Variants in CTSB observed in about 807,000 individuals in gnomAD.
CTSB encodes the protein APP secretase.
A neutral mutation model predicts 44.3 loss-of-function variants in CTSB; 57 were observed. The ratio of observed to expected loss-of-function variants is 1.29; its 90% confidence interval spans 1.04 to 1.60. The LOEUF (loss-of-function observed/expected upper bound fraction) is 1.60, where lower values mean the gene tolerates loss of function less well. CTSB is among the 40% of genes most tolerant of loss of function. The pLI is 0.00. For synonymous variants in CTSB, 320 were observed against 168.0 expected (o/e 1.91, Z -7.00); for missense variants, 768 against 443.0 (o/e 1.73, Z -6.59).
Position 11,847,146 on chromosome 8 carries a change from G to C in CTSB, c.699C>G (p.Ser233=), listed in dbSNP as rs115207582. Residue 233 remains serine (S), a synonymous_variant, in exon 8 of 10, where the codon TCC becomes TCG. Transcript: ENST00000353047. ...CGGCCATGATGTCCTTCTCGCTATT[G>C]GAGACGCTGTAGGAATTGTATCCTG... ...KHYGYNSYSV[S]NSEKDIMAEI... 6.2e-7 allele frequency: 1 copy of C among 1,611,990 alleles called. No individual in the cohort carries two copies. Among genetic ancestry groups the C allele is most frequent in the African/African-American group, 1.3e-5 (1 of 74,758 alleles).
intron 1 of CTSB, among the ~76,000 whole-genome samples, chr8:11,863,285 C>A (rs1030098833): frequency 2.0e-5 from 3 of 152,112 alleles, no homozygotes; most frequent in Non-Finnish European, 2.9e-5. Flanking sequence ...ATAGTGACAT[C>A]CCGTCTCTAC....
intron 1 of CTSB, among the ~76,000 whole-genome samples, chr8:11,859,036 G>A (rs1815966631): frequency 6.6e-6 from 1 of 152,058 alleles, no homozygotes; most frequent in Non-Finnish European, 1.5e-5. Context: ...GAACAGCTGC[G>A]AGCAGATGTC....
rs114308907 is a variant in CTSB, at chr8:11,847,108, T to C, written c.737A>G (p.Asn246Ser). ...EKDIMAEIYK[N>S]GPVEGAFSVY... Reference sequence around the variant, plus strand: ...AGAGAAAGCTCCCTCCACGGGGCCGTTTTTGTAGATCTCGGCCATGATGTC... The same window carrying C: ...AGAGAAAGCTCCCTCCACGGGGCCGCTTTTGTAGATCTCGGCCATGATGTC... Residue 246 changes from asparagine (N) to serine (S), a missense_variant, in exon 8 of 10, where the codon AAC becomes AGC. Physicochemically the swap from Asn to Ser is conservative, Grantham distance 46. Transcript: ENST00000353047. 7 of 1,577,840 alleles carry C rather than the reference T, an allele frequency of 4.4e-6. No homozygotes were observed. In the African/African-American group the frequency reaches 9.5e-5, roughly 21 times the overall value.
chr8:11,853,777 G>C (rs190963184), intron 1 of CTSB: 21 of 274,606 alleles, frequency 7.6e-5, no homozygotes, highest in Non-Finnish European at 1.5e-4. Flanking sequence ...CCTTTGCATG[G>C]ATTTGTAGAA....
intron 1 of CTSB, chr8:11,867,670 C>A (rs1438329353): frequency 1.3e-5 from 2 of 152,260 alleles, no homozygotes; most frequent in African/African-American, 4.8e-5. Context: ...CTCTTCCTCG[C>A]AGGCGCCTCC....
chr8:11,862,335 A>C (rs1222606713), intron 1 of CTSB: 1 of 152,196 alleles, frequency 6.6e-6, no homozygotes, highest in Non-Finnish European at 1.5e-5. Context: ...ACTCTTTTGA[A>C]AGTGCCTACC....
chr8:11,848,981 A>G (rs918351458), intron 5 of CTSB, 65 bp downstream of exon 5: 2 of 1,218,046 alleles, frequency 1.6e-6, no homozygotes, highest in African/African-American at 1.5e-5. Context: ...AGTCCCCTCC[A>G]CTGAGAAGCT....
intron 1 of CTSB, chr8:11,853,698 C>T (rs1256802857): frequency 4.1e-6 from 2 of 487,912 alleles, no homozygotes; most frequent in Non-Finnish European, 7.3e-6. Flanking sequence ...GGCCAGAGCC[C>T]AGAGAGAGAG....
intron 8 of CTSB, chr8:11,846,413 CTG>C (rs764395106): frequency 6.6e-6 from 1 of 152,344 alleles, no homozygotes; most frequent in Non-Finnish European, 1.5e-5. Flanking sequence ...CTTTGTCAAA[CTG>C]TTGTTTTACA....
chr8:11,848,704 A>T (rs555836793), intron 5 of CTSB: 16 of 302,394 alleles, frequency 5.3e-5, no homozygotes, highest in Non-Finnish European at 7.1e-5. Context: ...ATCCCCGCTA[A>T]CTACACATAA....
chr8:11,845,117 A>C lies in CTSB; in HGVS notation c.*8T>G. 1 of 1,603,790 alleles carries C rather than the reference A, an allele frequency of 6.2e-7. No homozygotes were observed. Among genetic ancestry groups the C allele is most frequent in the South Asian group, 1.1e-5 (1 of 90,870 alleles). ...CCCCCAGGACTGGCACGACAGGCCC[A>C]CGGCAGATTAGATCTTTTCCCAGTA... On this transcript the variant is annotated 3_prime_UTR_variant, in exon 10 of 10. Coordinates refer to ENST00000353047, the MANE Select transcript of CTSB (RefSeq NM_001908.5).
rs1051690348 is a variant in CTSB at position 11,844,077 on chromosome 8, C to G, written c.*1048G>C. Reference sequence around the variant, plus strand: ...ATAGAGCACAGCTATGTTTTGAGTTCTTAAGCAAGGGCAAGCTTACCAGGC... The same window carrying G: ...ATAGAGCACAGCTATGTTTTGAGTTGTTAAGCAAGGGCAAGCTTACCAGGC... On this transcript the variant is annotated 3_prime_UTR_variant, in exon 10 of 10. Coordinates refer to ENST00000353047, the MANE Select transcript of CTSB (RefSeq NM_001908.5). 6.6e-6 allele frequency: 1 copy of G among 152,166 alleles called. No individual in the cohort carries two copies. Among genetic ancestry groups the G allele is most frequent in the Non-Finnish European group, 1.5e-5 (1 of 68,024 alleles). The allele number at this position is 152,166 out of a possible 1,614,324, so 9.4% of individuals were successfully genotyped here. A position where few individuals can be genotyped will look rare whatever the true frequency, so the allele number is the denominator to read the frequency against.
At chr8:11,851,283 G>A (rs917286347) in intron 3 of CTSB, among the ~76,000 whole-genome samples, 5 of 152,132 alleles carry the variant, frequency 3.3e-5, no homozygotes, top group African/African-American at 9.7e-5. Context: ...TCTGCCTCCT[G>A]AGTTCAATCG....
rs771525723 is a variant in CTSB at position 11,848,253 on chromosome 8, C to G, written c.447-101G>C. The G allele has an allele frequency of 3.1e-5, 31 of 1,006,384 alleles. No individual in the cohort carries two copies. The South Asian group carries it at 3.9e-4, about 13-fold the overall frequency. The allele number at this position is 1,006,384 out of a possible 1,614,324, so 62.3% of individuals were successfully genotyped here. On this transcript the variant is annotated intron_variant, in intron 5 of 9. Coordinates refer to ENST00000353047, the MANE Select transcript of CTSB (RefSeq NM_001908.5). ...TGCCCGAGGCCACTCGTGGACCCAC[C>G]CCCAGCTGCAGCAAGTGGTGCGAGC...
In CTSB at chr8:11,847,126, A is replaced by T. The variant is rs753532924; in HGVS notation, c.719T>A (p.Met240Lys). 1 of 1,578,806 alleles carries T rather than the reference A, an allele frequency of 6.3e-7. No individual in the cohort carries two copies. Among genetic ancestry groups the T allele is most frequent in the South Asian group, 1.1e-5 (1 of 88,688 alleles). The part of the protein sequence containing the change: ...YSVSNSEKDI[M>K]AEIYKNGPVE... The stretch of plus-strand genomic sequence containing the variant: ...GGGGCCGTTTTTGTAGATCTCGGCC[A>T]TGATGTCCTTCTCGCTATTGGAGAC... The change falls in exon 8 of 10, where the codon ATG (methionine) becomes AAG (lysine). Residue 240 changes from methionine (M) to lysine (K), a missense_variant. Physicochemically the swap from Met to Lys is moderately conservative, Grantham distance 95. Coordinates refer to ENST00000353047, the MANE Select transcript of CTSB (RefSeq NM_001908.5).
chr8:11,858,276 T>C (rs1249014584), intron 1 of CTSB, among the ~76,000 whole-genome samples: 1 of 152,102 alleles, frequency 6.6e-6, no homozygotes, highest in East Asian at 1.9e-4. Flanking sequence ...CCAGGAAGAG[T>C]CTAAATGAAA....
chr8:11,843,439 T>A lies in CTSB; in HGVS notation c.*1686A>T, dbSNP rs1454639642. ...GGAAGGGGAGTACTGAGGTGTACCT[T>A]GGCAGGACAGTGGAATGATTGCTGG... On this transcript the variant is annotated 3_prime_UTR_variant, in exon 10 of 10. Transcript: ENST00000353047. 2.0e-5 allele frequency: 3 copies of A among 152,252 alleles called. No homozygotes were observed. The highest frequency in any genetic ancestry group is 4.4e-5 in the Non-Finnish European group (3 of 68,064). The allele number at this position is 152,252 out of a possible 1,614,324, so 9.4% of individuals were successfully genotyped here. A position where few individuals can be genotyped will look rare whatever the true frequency, so the allele number is the denominator to read the frequency against.
intron 6 of CTSB, 94 bp from the exon 7 acceptor site, chr8:11,847,916 G>A: frequency 2.1e-6 from 3 of 1,452,978 alleles, no homozygotes; most frequent in East Asian, 2.3e-5. Flanking sequence ...ATGGACGCCA[G>A]GCAGGTCCTG....
At chr8:11,867,909 G>C (rs1368509405) in intron 1 of CTSB, 92 bp downstream of exon 1, 3 of 151,858 alleles carry the variant, frequency 2.0e-5, no homozygotes, top group African/African-American at 7.3e-5. Flanking sequence ...GGGCCCGACT[G>C]AGGGCGCAGA....
Sources: gnomAD v4.1 joint callset for allele counts (sites outside exome capture counted in the v4.1 genomes callset) on GRCh38, gnomAD v4.1.1 for gene constraint, MANE v1.5 for transcripts, NCBI Gene and HGNC (gene_info 2026-07-23, HGNC 2026-07-21) for gene names.